Variants in NPHP3 observed in about 807,000 individuals in gnomAD.
NPHP3 encodes nephrocystin-3.
NPHP3 carries 123 observed loss-of-function variants against 171.9 expected under a neutral mutation model. That is an observed-to-expected ratio of 0.72 (90% CI 0.62 to 0.83). NPHP3 has a LOEUF of 0.83. Among genes scored for constraint, NPHP3 ranks in the 40% least tolerant of loss-of-function variants. NPHP3 has a pLI of 0.00. For synonymous variants in NPHP3, 558 were observed against 579.2 expected (o/e 0.96, Z 0.52); for missense variants, 1,506 against 1,591.9 (o/e 0.95, Z 0.92).
At chr3:132,688,425 G>C (rs1161936905) in intron 21 of NPHP3, among the ~76,000 whole-genome samples, 1 of 152,140 alleles carries the variant, frequency 6.6e-6, no homozygotes, top group Non-Finnish European at 1.5e-5. Context: ...GAATGAGCCA[G>C]GATTCAAACC....
rs538317431 is a variant in NPHP3, at chr3:132,722,198, G to A, written c.158C>T (p.Ala53Val). 13 of 1,509,598 alleles carry A rather than the reference G, an allele frequency of 8.6e-6. No individual in the cohort carries two copies. In the South Asian group the frequency reaches 1.4e-4, roughly 16 times the overall value. The allele number at this position is 1,509,598 out of a possible 1,614,324, so 93.5% of individuals were successfully genotyped here. ...GGGCAGCGACCCGGGCCCGGCCCCT[G>A]CTGCCGCCCCCGCGCCTCGGCGGAA... ...NSFRRGAGAA[A>V]GAGPGSLPRG... The change falls in exon 1 of 27, where the codon GCA becomes GTA. Residue 53 changes from alanine (A) to valine (V), a missense_variant. Around this residue, in one of 3 missense-constraint regions of NPHP3, gnomAD observed 930 missense variants for 924.9 expected, o/e 1.01. Coordinates refer to ENST00000337331, the MANE Select transcript of NPHP3 (RefSeq NM_153240.5).
At chr3:132,692,281 A>T (rs571725023) in intron 17 of NPHP3, among the ~76,000 whole-genome samples, 1 of 152,214 alleles carries the variant, frequency 6.6e-6, no homozygotes, top group Non-Finnish European at 1.5e-5. Context: ...GTTTCTCAGA[A>T]CATATCCCCA....
intron 9 of NPHP3, among the ~76,000 whole-genome samples, chr3:132,701,892 G>A (rs778906865): frequency 2.6e-5 from 4 of 152,186 alleles, no homozygotes; most frequent in East Asian, 1.9e-4. Flanking sequence ...CGAGCGTGGT[G>A]GCGGGCGCCT....
chr3:132,700,040 C>T lies in NPHP3; in HGVS notation c.1765G>A (p.Val589Ile), dbSNP rs753592193. Residue 589 changes from valine (V) to isoleucine (I), a missense_variant, in exon 12 of 27, where the codon GTC becomes ATC. Val to Ile is a conservative substitution (Grantham distance 29). Coordinates refer to ENST00000337331, the MANE Select transcript of NPHP3 (RefSeq NM_153240.5). ...GCAGGATCCAGTGTCAGAGCAGAGA[C>T]TGACCAAGAGTGCTGCATCAACTAC... ...TLKLMQHSWS[V>I]SALTLDPAKL... The T allele has an allele frequency of 6.2e-7, 1 of 1,614,112 alleles. No homozygotes were observed. Among genetic ancestry groups the T allele is most frequent in the Non-Finnish European group, 8.5e-7 (1 of 1,180,006 alleles).
Position 132,704,372 on chromosome 3 carries a change from C to G in NPHP3, c.1351-1G>C. On this transcript the variant is annotated splice_acceptor_variant, in intron 8 of 26. Coordinates refer to ENST00000337331, the MANE Select transcript of NPHP3 (RefSeq NM_153240.5). LOFTEE classifies it high-confidence loss of function. ...CTGTGTTCTCAAAACCCAGTATGTCCTAAACACAAAGAACAACCACACAAA... is the reference window on the plus strand; with the variant it reads ...CTGTGTTCTCAAAACCCAGTATGTCGTAAACACAAAGAACAACCACACAAA... 1 of 1,614,034 alleles carries G rather than the reference C, an allele frequency of 6.2e-7. No homozygotes were observed. Among genetic ancestry groups the G allele is most frequent in the Non-Finnish European group, 8.5e-7 (1 of 1,179,970 alleles).
At chr3:132,721,902 G>T in intron 1 of NPHP3, 61 bp downstream of exon 1, 1 of 1,587,878 alleles carries the variant, frequency 6.3e-7, no homozygotes, top group East Asian at 2.3e-5. Flanking sequence ...GGTTTGGAGA[G>T]GGAGCAGGAC....
At chr3:132,720,659 A>AAC (rs1940183672) in intron 1 of NPHP3, among the ~76,000 whole-genome samples, 2 of 151,850 alleles carry the variant, frequency 1.3e-5, no homozygotes, top group Admixed American at 6.6e-5. Flanking sequence ...TTAAAAACAA[A>AAC]AACAACAACA....
At chr3:132,690,262 A>G (rs1363882464) in intron 19 of NPHP3, among the ~76,000 whole-genome samples, 1 of 152,236 alleles carries the variant, frequency 6.6e-6, no homozygotes. Context: ...GTTTAAATTT[A>G]GACATGCTTA....
intron 1 of NPHP3, among the ~76,000 whole-genome samples, chr3:132,721,002 C>T (rs1171718847): frequency 6.6e-6 from 1 of 152,102 alleles, no homozygotes; most frequent in African/African-American, 2.4e-5. Flanking sequence ...ACTGCAACCT[C>T]CGCCTCCCGG....
At chr3:132,683,600 A>G (rs189695388) in intron 24 of NPHP3, 76 bp from the exon 25 acceptor site, 1 of 1,212,532 alleles carries the variant, frequency 8.2e-7, no homozygotes, top group African/African-American at 1.5e-5. Flanking sequence ...TCCATAAGTA[A>G]AATTTCATAT....
At chr3:132,683,667 T>A in intron 24 of NPHP3, 143 bp from the exon 25 acceptor site, 1 of 642,278 alleles carries the variant, frequency 1.6e-6, no homozygotes, top group South Asian at 2.0e-5. Flanking sequence ...AGCTTAATGA[T>A]TAAGTTTATA....
At chr3:132,694,379 T>TGTA (rs1391468945) in intron 16 of NPHP3, among the ~76,000 whole-genome samples, 3,780 of 148,902 alleles carry the variant, frequency 0.025, 146 homozygotes, top group African/African-American at 0.085. Flanking sequence ...GTGTGTGTGT[T>TGTA]TACACACACA....
rs572295745 is a variant in NPHP3 at position 132,722,252 on chromosome 3, T to C, written c.104A>G (p.Lys35Arg). ...GTTGCGCAGCAGGCGGGCCTTGGGC[T>C]TCACCTCCACCGGGATCTCGCAGGC... ...GEACEIPVEV[K>R]PKARLLRNSF... The change falls in exon 1 of 27, where the codon AAG (lysine) becomes AGG (arginine). Residue 35 changes from lysine to arginine, a missense_variant. Coordinates refer to ENST00000337331, the MANE Select transcript of NPHP3 (RefSeq NM_153240.5). 6.4e-7 allele frequency: 1 copy of C among 1,572,804 alleles called. No individual in the cohort carries two copies. The highest frequency in any genetic ancestry group is 2.4e-5 in the East Asian group (1 of 41,550).
rs1454083172 is a variant in NPHP3 at position 132,700,415 on chromosome 3, T to C, written c.1662A>G (p.Thr554=). 2 of 1,612,484 alleles carry C rather than the reference T, an allele frequency of 1.2e-6. No homozygotes were observed. Among genetic ancestry groups the C allele is most frequent in the Admixed American group, 3.3e-5 (2 of 59,862 alleles). Residue 554 remains threonine, a synonymous_variant, in exon 11 of 27, where the codon ACA becomes ACG. Transcript: ENST00000337331. ...IQLQQKNSPN[T]LILSHFVGRP... ...TTCCCACAAAATGGGAAAGAATCAG[T>C]GTGTTGGGGGAATTCTTCTGTTGTA...
At position 132,697,319 on chromosome 3, in the gene NPHP3, C is replaced by T. The variant is rs753109350; in HGVS notation, c.2029G>A (p.Ala677Thr). The T allele has an allele frequency of 1.9e-6, 3 of 1,612,434 alleles. No individual in the cohort carries two copies. Among genetic ancestry groups the T allele is most frequent in the South Asian group, 2.2e-5 (2 of 91,056 alleles). Residue 677 changes from alanine (A) to threonine (T), a missense_variant, in exon 14 of 27, where the codon GCA becomes ACA. Transcript: ENST00000337331. ...CATTCTGCAATTATAATAGATTTTGCATCTTTTGGACTTAAGGGATCAAGA... is the reference window on the plus strand; with the variant it reads ...CATTCTGCAATTATAATAGATTTTGTATCTTTTGGACTTAAGGGATCAAGA... Reference protein sequence around the residue: ...LHLDPLSPKDAKSIIIAECHS... With the variant: ...LHLDPLSPKDTKSIIIAECHS...
chr3:132,717,752 CTTTTTTTTTTT>C (rs959757847), intron 3 of NPHP3, among the ~76,000 whole-genome samples: 1 of 81,262 alleles, frequency 1.2e-5, no homozygotes, highest in Non-Finnish European at 2.2e-5. Context: ...CATTAAGAAT[CTTTTTTTTTTT>C]TTTTTTTTTT....
intron 3 of NPHP3, 194 bp from the exon 4 acceptor site, chr3:132,717,103 T>C: frequency 1.8e-6 from 1 of 557,006 alleles, no homozygotes; most frequent in Non-Finnish European, 3.2e-6. Flanking sequence ...CTGGTTATCA[T>C]CTCAAATTCA....
At chr3:132,696,848 T>C in intron 14 of NPHP3, 35 bp from the exon 15 acceptor site, 2 of 1,550,242 alleles carry the variant, frequency 1.3e-6, no homozygotes, top group South Asian at 1.1e-5. Flanking sequence ...AAAACAGAAA[T>C]ACAAAAACCA....
intron 6 of NPHP3, among the ~76,000 whole-genome samples, chr3:132,711,291 A>G (rs549305413): frequency 5.9e-5 from 9 of 152,206 alleles, no homozygotes; most frequent in Non-Finnish European, 8.8e-5. Context: ...AAGCAACTGG[A>G]ATAAGAAAAG....
Sources: allele counts gnomAD v4.1 joint callset (sites outside exome capture counted in the v4.1 genomes callset), GRCh38; gene constraint gnomAD v4.1.1; regional missense constraint gnomAD v4.1.1; transcripts MANE v1.5; gene names NCBI Gene and HGNC (gene_info 2026-07-23, HGNC 2026-07-21).